GSPT1: variants seen among roughly 807,000 people sequenced by gnomAD.
The protein encoded by GSPT1 is G1 to S phase transition 1.
In GSPT1, 20 loss-of-function variants were observed where a neutral mutation model predicts 72.5. The ratio of observed to expected loss-of-function variants is 0.28; its 90% confidence interval spans 0.19 to 0.40. The LOEUF is 0.40. Ranked by LOEUF, GSPT1 falls within the 10% of genes least tolerant of loss-of-function variation. GSPT1 has a pLI of 1.00. For synonymous variants in GSPT1, 334 were observed against 293.5 expected, an observed-to-expected ratio of 1.14 and a Z score of -1.41; for missense variants, 580 against 811.9, an observed-to-expected ratio of 0.71 and a Z score of 3.47.
intron 5 of GSPT1, among the ~76,000 whole-genome samples, chr16:11,893,184 C>A (rs1329094517): frequency 6.6e-6 from 1 of 151,994 alleles, no homozygotes. Flanking sequence ...CAGTTGAGCA[C>A]AGGAATTTGA....
chr16:11,896,665 T>C lies in GSPT1; in HGVS notation c.557A>G (p.His186Arg). 6.2e-7 allele frequency: 1 copy of C among 1,609,628 alleles called. No individual in the cohort carries two copies. The highest frequency in any genetic ancestry group is 8.5e-7 in the Non-Finnish European group (1 of 1,177,886). The change falls in exon 4 of 15, where the codon CAT becomes CGT. Residue 186 changes from histidine to arginine, a missense_variant. Transcript: ENST00000434724. The stretch of plus-strand genomic sequence containing the variant: ...TTCCTCTTCCTCCTCCATCATTTCA[T>C]GGGCACTTTCCTCTGGCGGCCTTCC... ...GDGRPPEESAHEMMEEEEEIP... is the reference protein window; with the variant it reads ...GDGRPPEESAREMMEEEEEIP...
At chr16:11,915,114 G>A in intron 1 of GSPT1, 1 of 1,138,210 alleles carries the variant, frequency 8.8e-7, no homozygotes, top group Non-Finnish European at 1.1e-6. Flanking sequence ...AGCAGGGCAG[G>A]GGCGCGGAGG....
chr16:11,899,330 C>CT (rs36028471), intron 1 of GSPT1, among the ~76,000 whole-genome samples: 9,547 of 146,778 alleles, frequency 0.065, 367 homozygotes, highest in South Asian at 0.16. Context: ...AAATTGTTTT[C>CT]TTTTTTTTTT....
At chr16:11,889,626 G>GC (rs200103957) in intron 6 of GSPT1, among the ~76,000 whole-genome samples, 5,612 of 151,834 alleles carry the variant, frequency 0.037, 179 homozygotes, top group East Asian at 0.17. Context: ...TCCTGCCTCA[G>GC]CCCCCCGAGT....
At position 11,915,788 on chromosome 16, in the gene GSPT1, G is replaced by C. The variant is rs1299726222; in HGVS notation, c.-68C>G. On this transcript the variant is annotated 5_prime_UTR_variant, in exon 1 of 15. Transcript: ENST00000434724. The stretch of plus-strand genomic sequence containing the variant: ...GGAGGCAGGGGCGCCCGGCCGGAGA[G>C]GAGTGGGCAACGCTGACTGAGGGAA... The C allele has an allele frequency of 1.3e-6, 2 of 1,579,648 alleles. No homozygotes were observed. Among genetic ancestry groups the C allele is most frequent in the Non-Finnish European group, 1.7e-6 (2 of 1,168,622 alleles).
chr16:11,875,673 T>C (rs1296160430), intron 14 of GSPT1, 88 bp downstream of exon 14: 4 of 875,924 alleles, frequency 4.6e-6, no homozygotes, highest in Admixed American at 5.5e-5. Flanking sequence ...TGTGAACCTG[T>C]TGCAATGTGT....
intron 1 of GSPT1, 124 bp from the exon 2 acceptor site, chr16:11,898,159 T>A (rs17810044): frequency 0.039 from 25,810 of 654,226 alleles, 677 homozygotes; most frequent in Middle Eastern, 0.062. Context: ...TAACCCCAGA[T>A]CAATGGCAGC....
intron 5 of GSPT1, among the ~76,000 whole-genome samples, chr16:11,893,559 TCGTTAGTAATGCATA>T (rs2054296697): frequency 1.3e-5 from 2 of 152,200 alleles, no homozygotes; most frequent in African/African-American, 4.8e-5. Context: ...TCAAAATAGT[TCGTTAGTAATGCATA>T]CTTCCTTGAC....
intron 7 of GSPT1, 108 bp downstream of exon 7, chr16:11,887,462 A>G (rs1012762685): frequency 6.9e-6 from 6 of 864,986 alleles, no homozygotes; most frequent in Non-Finnish European, 1.1e-5. Flanking sequence ...GTACATCATT[A>G]TATTTCACTG....
rs2141286411 is a variant in GSPT1, at chr16:11,886,614, G to A, written c.1113-3C>T. On this transcript the variant is annotated splice_region_variant and splice_polypyrimidine_tract_variant and intron_variant, in intron 8 of 14. Coordinates refer to ENST00000434724, the MANE Select transcript of GSPT1 (RefSeq NM_002094.4). ...GTTTCTCCTTACATTCTTCATATCT[G>A]CAATTATAATGTAACCAAAATAACT... The A allele has an allele frequency of 6.2e-7, 1 of 1,605,838 alleles. No individual in the cohort carries two copies. The highest frequency in any genetic ancestry group is 8.5e-7 in the Non-Finnish European group (1 of 1,172,938).
At chr16:11,889,489 C>G in intron 6 of GSPT1, among the ~76,000 whole-genome samples, 1 of 149,982 alleles carries the variant, frequency 6.7e-6, no homozygotes. Flanking sequence ...AGGTGCCCAC[C>G]ACCACGCCCG....
rs537153588 is a variant in GSPT1, at chr16:11,915,755, C to G, written c.-35G>C. Reference sequence around the variant, plus strand: ...GGCCGTGTGTGTGGTGGACAGAGAGCGGGAAATGGAGGCAGGGGCGCCCGG... The same window carrying G: ...GGCCGTGTGTGTGGTGGACAGAGAGGGGGAAATGGAGGCAGGGGCGCCCGG... On this transcript the variant is annotated 5_prime_UTR_variant, in exon 1 of 15. Transcript: ENST00000434724. 1.6e-4 allele frequency: 250 copies of G among 1,551,438 alleles called. 11 individuals are homozygous for G. The highest frequency in any genetic ancestry group is 1.0e-3 in the South Asian group (89 of 87,338).
At position 11,883,066 on chromosome 16, in the gene GSPT1, C is replaced by T. The variant is rs1193553546; in HGVS notation, c.1377G>A (p.Leu459=). 7 of 1,608,574 alleles carry T rather than the reference C, an allele frequency of 4.4e-6. No individual in the cohort carries two copies. In the South Asian group the frequency reaches 5.5e-5, roughly 13 times the overall value. The change falls in exon 11 of 15, where the codon CTG becomes CTA. Residue 459 remains leucine (L), a synonymous_variant. Coordinates refer to ENST00000434724, the MANE Select transcript of GSPT1 (RefSeq NM_002094.4). The part of the protein sequence containing the change: ...KDMGTVVLGK[L]ESGSICKGQQ... ...GGCCTTTACAAATAGATCCTGATTC[C>T]AGCTTTCCCAGGACCACAGTGCCCA...
At chr16:11,896,462 A>T in intron 4 of GSPT1, 96 bp downstream of exon 4, 1 of 745,120 alleles carries the variant, frequency 1.3e-6, no homozygotes, top group South Asian at 1.9e-5. Flanking sequence ...TTTTCAATTA[A>T]TTTCCTTCAG....
chr16:11,877,420 G>A lies in GSPT1; in HGVS notation c.1589C>T (p.Thr530Ile), dbSNP rs1469223715. The change falls in exon 12 of 15, where the codon ACA (threonine) becomes ATA (isoleucine). Residue 530 changes from threonine (T) to isoleucine (I), a missense_variant. Around this residue, in one of 6 missense-constraint regions of GSPT1, gnomAD observed 120 missense variants for 242.5 expected, o/e 0.49. Coordinates refer to ENST00000434724, the MANE Select transcript of GSPT1 (RefSeq NM_002094.4). The surrounding 1 kb of genome is among the most constrained non-coding windows in gnomAD (Gnocchi z 4.0). ...TAATTTGTTTACCTGGGCATCAAAT[G>A]TGCGTCCAGAATGACAAAGATTATT... ...DPNNLCHSGR[T>I]FDAQIVIIEH... 2 of 1,583,022 alleles carry A rather than the reference G, an allele frequency of 1.3e-6. No homozygotes were observed. Among genetic ancestry groups the A allele is most frequent in the South Asian group, 1.2e-5 (1 of 85,858 alleles).
intron 1 of GSPT1, among the ~76,000 whole-genome samples, chr16:11,913,658 A>G (rs779948541): frequency 1.1e-4 from 16 of 152,332 alleles, no homozygotes; most frequent in Non-Finnish European, 1.8e-4. Context: ...AAGGAGGAAG[A>G]GCCAAGAAAG....
At chr16:11,884,472 T>A (rs2054161895) in intron 10 of GSPT1, among the ~76,000 whole-genome samples, 2 of 152,086 alleles carry the variant, frequency 1.3e-5, no homozygotes, top group South Asian at 2.1e-4. Flanking sequence ...GTTAATAAAG[T>A]TTTTGGACCG....
intron 1 of GSPT1, among the ~76,000 whole-genome samples, chr16:11,905,605 C>A (rs776267900): frequency 6.6e-6 from 1 of 152,058 alleles, no homozygotes; most frequent in Non-Finnish European, 1.5e-5. Context: ...GAGGCCAAGG[C>A]GGGCAGATAA....
Position 11,891,127 on chromosome 16 carries a change from T to C in GSPT1, c.711A>G (p.Gly237=). ...TIGGQIMYLT[G]MVDKRTLEKY... ...TTTCAAGCGTCCTTTTGTCAACCAT[T>C]CCAGTCAAATACCTGAAAACATTTA... is the stretch of plus-strand genomic sequence containing the variant. The change falls in exon 6 of 15, where the codon GGA becomes GGG. Residue 237 remains glycine, a synonymous_variant. Coordinates refer to ENST00000434724, the MANE Select transcript of GSPT1 (RefSeq NM_002094.4). 1 of 1,472,490 alleles carries C rather than the reference T, an allele frequency of 6.8e-7. No individual in the cohort carries two copies. Among genetic ancestry groups the C allele is most frequent in the South Asian group, 1.3e-5 (1 of 78,774 alleles). 91.2% of individuals were successfully genotyped at this position (1,472,490 alleles called of 1,614,324 possible).
Sources: gnomAD v4.1 joint callset for allele counts (sites outside exome capture counted in the v4.1 genomes callset) on GRCh38, gnomAD v4.1.1 for gene constraint, gnomAD v4.1.1 regional missense constraint, Gnocchi (gnomAD v3.1) non-coding constraint, MANE v1.5 for transcripts, NCBI Gene and HGNC (gene_info 2026-07-23, HGNC 2026-07-21) for gene names.